Variants in TTC6 observed in about 807,000 individuals in gnomAD.
TTC6 encodes tetratricopeptide repeat protein 6.
A neutral mutation model predicts 210.4 loss-of-function variants in TTC6; 172 were observed. That is an observed-to-expected ratio of 0.82 (90% CI 0.72 to 0.93). TTC6 has a LOEUF of 0.93. Among genes scored for constraint, TTC6 ranks in the 40% least tolerant of loss-of-function variants. The probability of loss-of-function intolerance (pLI) is 0.00; values close to 1 mark genes in which losing one functional copy is unlikely to be tolerated. For missense variants in TTC6, 2,414 were observed against 2,318.1 expected, an observed-to-expected ratio of 1.04 and a Z score of -0.85; for synonymous variants, 804 against 819.6, an observed-to-expected ratio of 0.98 and a Z score of 0.32.
intron 1 of TTC6, among the ~76,000 whole-genome samples, chr14:37,626,720 T>C (rs117517604): frequency 6.6e-6 from 1 of 152,216 alleles, no homozygotes; most frequent in East Asian, 1.9e-4. Flanking sequence ...GTAACATACA[T>C]AGGAATGCCA....
At chr14:37,772,062 C>T (rs900406938) in intron 14 of TTC6, among the ~76,000 whole-genome samples, 23 of 152,038 alleles carry the variant, frequency 1.5e-4, no homozygotes, top group East Asian at 7.7e-4. Context: ...AGTACCCTGC[C>T]GTGTGAGGTG....
At chr14:37,642,648 A>C (rs1028515057) in intron 1 of TTC6, among the ~76,000 whole-genome samples, 1 of 152,162 alleles carries the variant, frequency 6.6e-6, no homozygotes, top group Non-Finnish European at 1.5e-5. Flanking sequence ...AAGAAGAGCT[A>C]CTTTGACTCT....
chr14:37,671,841 G>A (rs896272581), intron 1 of TTC6, among the ~76,000 whole-genome samples: 3 of 152,076 alleles, frequency 2.0e-5, no homozygotes, highest in East Asian at 3.9e-4. Context: ...GATAGTGAGT[G>A]AATTCTTATG....
intron 4 of TTC6, among the ~76,000 whole-genome samples, chr14:37,697,106 A>C (rs1041353825): frequency 6.6e-6 from 1 of 152,128 alleles, no homozygotes; most frequent in Non-Finnish European, 1.5e-5. Flanking sequence ...GACTGAAGAA[A>C]ATTAAATGTT....
chr14:37,757,743 C>A (rs1217189196), intron 14 of TTC6, among the ~76,000 whole-genome samples: 1 of 152,020 alleles, frequency 6.6e-6, no homozygotes, highest in Non-Finnish European at 1.5e-5. Context: ...AATTTGTTTG[C>A]TCTTGCTTCT....
chr14:37,686,222 A>G (rs760358718), intron 3 of TTC6, among the ~76,000 whole-genome samples: 40 of 152,182 alleles, frequency 2.6e-4, no homozygotes, highest in Admixed American at 2.0e-4. Flanking sequence ...GAGGATAATG[A>G]CAGTGCCCAC....
chr14:37,671,689 C>T (rs912679416), intron 1 of TTC6, among the ~76,000 whole-genome samples: 1 of 152,046 alleles, frequency 6.6e-6, no homozygotes, highest in Non-Finnish European at 1.5e-5. Context: ...CATCCTTCCT[C>T]AGTGATATGA....
Position 37,787,467 on chromosome 14 carries a change from G to T in TTC6, c.3267-1G>T. On this transcript the variant is annotated splice_acceptor_variant, in intron 14 of 30. Transcript: ENST00000553443. LOFTEE classifies it high-confidence loss of function. ...TGTTAAAACAAACTTTTTTTTCCTA[G>T]GACATACCGAGGGATTGCATATGTT... is the stretch of plus-strand genomic sequence containing the variant. The T allele has an allele frequency of 1.3e-6, 2 of 1,507,128 alleles. No individual in the cohort carries two copies. Among genetic ancestry groups the T allele is most frequent in the South Asian group, 2.5e-5 (2 of 79,832 alleles). The allele number at this position is 1,507,128 out of a possible 1,614,324, so 93.4% of individuals were successfully genotyped here. A position where few individuals can be genotyped will look rare whatever the true frequency, so the allele number is the denominator to read the frequency against.
At chr14:37,749,898 C>A in intron 12 of TTC6, 55 bp downstream of exon 14, 1 of 1,160,690 alleles carries the variant, frequency 8.6e-7, no homozygotes, top group Non-Finnish European at 1.1e-6. Flanking sequence ...CAGCCTTTGT[C>A]ATTTATTGGT....
intron 3 of TTC6, among the ~76,000 whole-genome samples, chr14:37,690,310 A>G (rs2095801252): frequency 6.6e-6 from 1 of 152,134 alleles, no homozygotes; most frequent in African/African-American, 2.4e-5. Context: ...GAAAGGAAGA[A>G]GGAAGAGAAG....
intron 14 of TTC6, among the ~76,000 whole-genome samples, chr14:37,755,392 A>G (rs1444078690): frequency 2.6e-5 from 4 of 151,998 alleles, no homozygotes; most frequent in Non-Finnish European, 4.4e-5. Flanking sequence ...ATTAGATCCC[A>G]TTTATCTATT....
chr14:37,797,275 C>G (rs1224163019), intron 20 of TTC6, among the ~76,000 whole-genome samples: 1 of 152,002 alleles, frequency 6.6e-6, no homozygotes, highest in African/African-American at 2.4e-5. Flanking sequence ...ATTTATTCTC[C>G]TACCTGAAGT....
At position 37,638,406 on chromosome 14, in the gene TTC6, C is replaced by G. The variant is rs571120141; in HGVS notation, c.939+15403C>G. On this transcript the variant is annotated intron_variant, in intron 1 of 30. Coordinates refer to ENST00000553443, the Ensembl canonical transcript of TTC6. ...AGTATCTGGGACTACAGGGACCCAC[C>G]ACCATGCCCGGCTAATTTTTATATT... Among the ~76,000 whole-genome samples the G allele has an allele frequency of 5.3e-5, 8 of 152,178 alleles. No homozygotes were observed. In the East Asian group the frequency reaches 5.8e-4, roughly 11 times the overall value.
chr14:37,747,111 C>T (rs1429111045), intron 10 of TTC6, among the ~76,000 whole-genome samples: 2 of 152,130 alleles, frequency 1.3e-5, no homozygotes, highest in African/African-American at 4.8e-5. Context: ...TCTTTGATCT[C>T]CCAATGCCTT....
rs377197509 is a variant in TTC6 at position 37,735,567 on chromosome 14, C to T, written c.1819-354C>T. On this transcript the variant is annotated intron_variant, in intron 7 of 30. Transcript: ENST00000553443. ...GAATATTCATGTGTTGACAAGAAAA[C>T]TAGATATGTCTTGTTCATAATCCTG... Among the ~76,000 whole-genome samples the T allele has an allele frequency of 2.3e-4, 35 of 152,224 alleles. No homozygotes were observed. In the South Asian group the frequency reaches 6.8e-3, roughly 30 times the overall value.
At chr14:37,689,758 CCAGA>C (rs1337687380) in intron 3 of TTC6, among the ~76,000 whole-genome samples, 1 of 152,066 alleles carries the variant, frequency 6.6e-6, no homozygotes, top group East Asian at 1.9e-4. Context: ...AAAGACTTTC[CCAGA>C]CAAACAAAAG....
intron 10 of TTC6, among the ~76,000 whole-genome samples, chr14:37,745,504 T>C (rs892568546): frequency 6.6e-6 from 1 of 152,184 alleles, no homozygotes; most frequent in African/African-American, 2.4e-5. Flanking sequence ...TGGCCCTTAC[T>C]ACCATTATCT....
intron 25 of TTC6, among the ~76,000 whole-genome samples, chr14:37,814,171 T>C (rs1331689034): frequency 1.3e-5 from 2 of 152,214 alleles, no homozygotes; most frequent in East Asian, 3.9e-4. Context: ...TTACTTGATA[T>C]GACTGCTGCT....
chr14:37,678,026 C>T (rs1222292667), intron 1 of TTC6, among the ~76,000 whole-genome samples: 2 of 151,936 alleles, frequency 1.3e-5, no homozygotes, highest in Non-Finnish European at 2.9e-5. Flanking sequence ...TGATTTTCTT[C>T]CTGGTTATGT....
Sources: allele counts gnomAD v4.1 joint callset (sites outside exome capture counted in the v4.1 genomes callset), GRCh38; gene constraint gnomAD v4.1.1; transcripts MANE v1.5; gene names NCBI Gene and HGNC (gene_info 2026-07-23, HGNC 2026-07-21).